Variants in ART3 observed in about 807,000 individuals in gnomAD.
The protein encoded by ART3 is ADP-ribosyltransferase 3 (inactive), also known as ecto-ADP-ribosyltransferase 3.
A neutral mutation model predicts 48.5 loss-of-function variants in ART3; 49 were observed. That is an observed-to-expected ratio of 1.01 (90% confidence interval 0.80 to 1.28). The LOEUF is 1.28. Among genes scored for constraint, ART3 ranks in the 50% most tolerant of loss-of-function variants. The pLI is 0.00. For synonymous variants in ART3, 145 were observed against 157.2 expected (o/e 0.92, Z 0.58); for missense variants, 438 against 454.3 (o/e 0.96, Z 0.33).
chr4:76,075,482 A>G (rs1720846614), intron 1 of ART3, among the ~76,000 whole-genome samples: 1 of 152,174 alleles, frequency 6.6e-6, no homozygotes, highest in South Asian at 2.1e-4. Flanking sequence ...ACTGGGAGCT[A>G]GGGGACCAAT....
At chr4:76,046,144 A>C (rs571575318) in intron 1 of ART3, among the ~76,000 whole-genome samples, 1 of 152,078 alleles carries the variant, frequency 6.6e-6, no homozygotes, top group South Asian at 2.1e-4. Flanking sequence ...GTGCCTGACC[A>C]AACAGATGAG....
At chr4:76,040,446 A>ACACATG (rs1734850634) in intron 1 of ART3, among the ~76,000 whole-genome samples, 1 of 138,494 alleles carries the variant, frequency 7.2e-6, no homozygotes. Flanking sequence ...ATACACACAC[A>ACACATG]CACACACACA....
At chr4:76,071,188 A>C (rs1017517447), upstream of ART3, among the ~76,000 whole-genome samples, 5 of 152,128 alleles carry the variant, frequency 3.3e-5, no homozygotes, top group Non-Finnish European at 5.9e-5. Context: ...CGTCTCTAGT[A>C]AAAATACAAA....
rs76346619 is a variant in ART3, at chr4:76,112,066, A to G, written c.1037-320A>G. ...AACATATAAAATATGTTAATCAACA[A>G]TTTCTATTATCAGTAAGGCTTCCAG... On this transcript the variant is annotated intron_variant, in intron 11 of 11. Transcript: ENST00000355810. The G allele has an allele frequency of 3.9e-3, 889 of 228,964 alleles. 6 individuals carry two copies. The highest frequency in any genetic ancestry group is 0.019 in the African/African-American group (847 of 43,718). 14.2% of individuals were successfully genotyped at this position (228,964 alleles called of 1,614,324 possible). A position where few individuals can be genotyped will look rare whatever the true frequency, so the allele number is the denominator to read the frequency against.
chr4:76,021,761 G>A, intron 1 of ART3: 1 of 701,384 alleles, frequency 1.4e-6, no homozygotes, highest in Non-Finnish European at 2.6e-6. Context: ...CCTTCCTACA[G>A]GAGTAGTAGC....
chr4:76,022,004 T>G, intron 1 of ART3: 5 of 1,501,406 alleles, frequency 3.3e-6, no homozygotes, highest in Non-Finnish European at 4.6e-6. Context: ...GGCTTCAGAT[T>G]GGGTTGTGTT....
At chr4:76,089,920 A>T (rs1724484947) in intron 3 of ART3, among the ~76,000 whole-genome samples, 1 of 152,122 alleles carries the variant, frequency 6.6e-6, no homozygotes, top group African/African-American at 2.4e-5. Context: ...TCTCTACTAA[A>T]AATACAAAAA....
chr4:76,110,624 T>C (rs1449112607), intron 11 of ART3, among the ~76,000 whole-genome samples: 2 of 152,198 alleles, frequency 1.3e-5, no homozygotes, highest in Admixed American at 6.5e-5. Context: ...AATCATTATA[T>C]TGGCTATATA....
intron 1 of ART3, chr4:76,036,077 G>A (rs1463994705): frequency 2.4e-6 from 3 of 1,229,666 alleles, no homozygotes; most frequent in Non-Finnish European, 3.6e-6. Context: ...GAACATGAAA[G>A]GAAATTGATA....
intron 1 of ART3, among the ~76,000 whole-genome samples, chr4:76,057,114 C>G (rs1302245969): frequency 2.0e-5 from 3 of 152,102 alleles, no homozygotes; most frequent in African/African-American, 7.2e-5. Context: ...ATGAAAACTA[C>G]AAAATTATGT....
chr4:76,076,324 T>C (rs1030269707), intron 2 of ART3, among the ~76,000 whole-genome samples: 4 of 152,056 alleles, frequency 2.6e-5, no homozygotes, highest in African/African-American at 4.8e-5. Flanking sequence ...ATTCTTGATA[T>C]AACATTACCT....
chr4:76,045,953 T>A (rs1735462530), intron 1 of ART3, among the ~76,000 whole-genome samples: 1 of 152,090 alleles, frequency 6.6e-6, no homozygotes, highest in Non-Finnish European at 1.5e-5. Flanking sequence ...ATATTTAACC[T>A]GCTGTAGGCA....
chr4:76,032,481 A>G (rs768537621), intron 1 of ART3, among the ~76,000 whole-genome samples: 1 of 152,020 alleles, frequency 6.6e-6, no homozygotes, highest in Non-Finnish European at 1.5e-5. Flanking sequence ...TGCTCAGATT[A>G]TAGGTGTGAG....
upstream of ART3, among the ~76,000 whole-genome samples, chr4:76,071,041 T>G (rs1037369146): frequency 1.8e-4 from 27 of 152,040 alleles, no homozygotes; most frequent in African/African-American, 5.8e-4. Flanking sequence ...AACATGCTGG[T>G]TTTTTTCTGT....
intron 1 of ART3, among the ~76,000 whole-genome samples, chr4:76,063,656 G>A (rs1310551879): frequency 6.6e-6 from 1 of 152,138 alleles, no homozygotes; most frequent in Non-Finnish European, 1.5e-5. Flanking sequence ...AAGTAGTCAT[G>A]TATTTATATA....
At chr4:76,090,368 A>G (rs1316150869) in intron 3 of ART3, among the ~76,000 whole-genome samples, 1 of 152,246 alleles carries the variant, frequency 6.6e-6, no homozygotes, top group Admixed American at 6.5e-5. Flanking sequence ...GTCTGTCTCA[A>G]TTAGGCCCAG....
In ART3 at chr4:76,104,624, T is replaced by G. The variant is rs1170223296; in HGVS notation, c.998T>G (p.Leu333Arg). Residue 333 changes from leucine to arginine, a missense_variant, in exon 10 of 12, where the codon CTA (leucine) becomes CGA (arginine). This residue lies in a region of ART3 where 227 missense variants were observed against 229.6 expected (regional missense o/e 0.99). Transcript: ENST00000355810. ...PGMKIPEPFPLPEDKSQGNIN... is the reference protein window; with the variant it reads ...PGMKIPEPFPRPEDKSQGNIN... Reference sequence around the variant, plus strand: ...ATGAAAATTCCAGAACCTTTTCCACTACCTGGTAAGCAACTGATAGGCATG... The same window carrying G: ...ATGAAAATTCCAGAACCTTTTCCACGACCTGGTAAGCAACTGATAGGCATG... 7.7e-6 allele frequency: 12 copies of G among 1,551,566 alleles called. No homozygotes were observed. The highest frequency in any genetic ancestry group is 1.0e-5 in the Non-Finnish European group (12 of 1,146,888).
rs1000963527 is a variant in ART3 at position 76,050,299 on chromosome 4, C to T, written c.-9-25582C>T. On this transcript the variant is annotated intron_variant, in intron 1 of 9. Transcript: ENST00000341029. ...AGCTGAGTGGTCTGTTTTGACAGGG[C>T]GCTGATAGGTGGGTTTACAATCCCT... Among the ~76,000 whole-genome samples the T allele has an allele frequency of 8.5e-5, 13 of 152,162 alleles. No homozygotes were observed. In the East Asian group the frequency reaches 1.2e-3, roughly 14 times the overall value.
chr4:76,068,321 G>A (rs12498973), intron 1 of ART3, among the ~76,000 whole-genome samples: 1 of 152,008 alleles, frequency 6.6e-6, no homozygotes, highest in African/African-American at 2.4e-5. Flanking sequence ...ATTGTGGCAT[G>A]TATTAATAGT....
Sources: gnomAD v4.1 joint callset for allele counts (sites outside exome capture counted in the v4.1 genomes callset) on GRCh38, gnomAD v4.1.1 for gene constraint, gnomAD v4.1.1 regional missense constraint, MANE v1.5 for transcripts, NCBI Gene and HGNC (gene_info 2026-07-23, HGNC 2026-07-21) for gene names.